Variants in HYDIN observed in about 807,000 individuals in gnomAD.
The protein encoded by HYDIN is axonemal central pair apparatus protein HYDIN.
Under a neutral mutation model 403.9 loss-of-function variants are expected in HYDIN, and 132 were observed. The ratio of observed to expected loss-of-function variants is 0.33; its 90% CI spans 0.28 to 0.38. The LOEUF (loss-of-function observed/expected upper bound fraction) is 0.38. Among genes scored for constraint, HYDIN ranks in the 10% least tolerant of loss-of-function variants. The pLI is 1.00. For synonymous variants in HYDIN, 1,202 were observed against 1,891.7 expected (o/e 0.64, Z 9.46); for missense variants, 2,827 against 5,009.5 (o/e 0.56, Z 13.15).
At chr16:70,826,662 T>C (rs2036608617) in intron 83 of HYDIN, among the ~76,000 whole-genome samples, 1 of 148,318 alleles carries the variant, frequency 6.7e-6, no homozygotes, top group African/African-American at 2.6e-5. Flanking sequence ...ATTCAGTTAT[T>C]GTAGAAAAGG....
intron 10 of HYDIN, among the ~76,000 whole-genome samples, chr16:71,109,375 C>T (rs1030192977): frequency 1.5e-5 from 2 of 135,106 alleles, no homozygotes; most frequent in Admixed American, 1.3e-4. Context: ...CTGTCGTTTA[C>T]GCAAAACGAC....
chr16:70,925,741 A>G (rs2077134688), intron 45 of HYDIN, among the ~76,000 whole-genome samples: 1 of 151,684 alleles, frequency 6.6e-6, no homozygotes, highest in African/African-American at 2.4e-5. Flanking sequence ...CAGAATCTAC[A>G]ATGAACTCAA....
At position 70,894,410 on chromosome 16, in the gene HYDIN, C is replaced by A. The variant is rs370686308; in HGVS notation, c.9248+39G>T. The A allele has an allele frequency of 1.7e-3, 2,742 of 1,610,928 alleles. 13 individuals are homozygous for A. Among genetic ancestry groups the A allele is most frequent in the Middle Eastern group, 5.8e-3 (35 of 6,044 alleles). On this transcript the variant is annotated intron_variant, in intron 55 of 85. Coordinates refer to ENST00000393567, the MANE Select transcript of HYDIN (RefSeq NM_001270974.2). Reference sequence around the variant, plus strand: ...TATTTCCCCACATTCCTCCCCACGGCGGACTTGATGGCCTTACATCTGATG... The same window carrying A: ...TATTTCCCCACATTCCTCCCCACGGAGGACTTGATGGCCTTACATCTGATG...
At chr16:71,047,419 T>C (rs1325863513) in intron 18 of HYDIN, among the ~76,000 whole-genome samples, 1 of 150,158 alleles carries the variant, frequency 6.7e-6, no homozygotes, top group Non-Finnish European at 1.5e-5. Context: ...TTTGGCAAAA[T>C]GAAAAAGGTC....
chr16:71,069,320 T>C lies in HYDIN; in HGVS notation c.1921A>G (p.Thr641Ala), dbSNP rs1433495884. 1 of 1,613,860 alleles carries C rather than the reference T, an allele frequency of 6.2e-7. No homozygotes were observed. ...EISSMKPKEF[T>A]ISPDCGTIRP... ...ATGGTGCCACAGTCAGGAGAGATGG[T>C]GAATTCTTTTGGTTTCATTGAGGAT... is the stretch of plus-strand genomic sequence containing the variant. The change falls in exon 14 of 86, where the codon ACC becomes GCC. Residue 641 changes from threonine to alanine, a missense_variant. Coordinates refer to ENST00000393567, the MANE Select transcript of HYDIN (RefSeq NM_001270974.2).
intron 1 of HYDIN, among the ~76,000 whole-genome samples, chr16:71,211,593 G>C (rs1393685042): frequency 7.1e-6 from 1 of 141,074 alleles, no homozygotes; most frequent in African/African-American, 2.7e-5. Flanking sequence ...AGTGAGCCAA[G>C]ATTGCGCCAC....
At chr16:71,195,777 C>A (rs1210277276) in intron 1 of HYDIN, among the ~76,000 whole-genome samples, 1 of 152,134 alleles carries the variant, frequency 6.6e-6, no homozygotes, top group Admixed American at 6.5e-5. Context: ...AAGACAGATT[C>A]CATTAAGAAT....
intron 18 of HYDIN, among the ~76,000 whole-genome samples, chr16:71,054,171 A>T (rs532060665): frequency 1.3e-5 from 2 of 152,408 alleles, no homozygotes; most frequent in Non-Finnish European, 2.9e-5. Context: ...GTATATTGTA[A>T]ATTCACCTTA....
At chr16:70,816,811 CA>C (rs1026517788) in intron 84 of HYDIN, among the ~76,000 whole-genome samples, 1 of 84,780 alleles carries the variant, frequency 1.2e-5, no homozygotes, top group African/African-American at 8.1e-5. Flanking sequence ...CAAGAAGAAA[CA>C]GAAAATCTAA....
intron 10 of HYDIN, among the ~76,000 whole-genome samples, chr16:71,101,847 T>C (rs1278391738): frequency 6.6e-6 from 1 of 152,094 alleles, no homozygotes; most frequent in Non-Finnish European, 1.5e-5. Flanking sequence ...TGGGGATATA[T>C]CCTAGAAAAA....
At chr16:70,955,252 T>C in intron 40 of HYDIN, 123 bp downstream of exon 40, 2 of 525,292 alleles carry the variant, frequency 3.8e-6, no homozygotes, top group Non-Finnish European at 3.3e-6. Context: ...GTTGGCAGCA[T>C]GCTGTAGGGC....
intron 48 of HYDIN, 79 bp downstream of exon 48, chr16:70,908,574 C>G (rs2076602043): frequency 2.0e-6 from 3 of 1,502,810 alleles, no homozygotes; most frequent in Non-Finnish European, 2.7e-6. Context: ...AGCTCTGTTC[C>G]CCTCCAGTGC....
Position 70,926,737 on chromosome 16 carries a change from A to G in HYDIN, c.7159-5520T>C, listed in dbSNP as rs376374845. ...TGGCACTATAAGACAAGGACTTTAAAACATATTTAATATGCTGAGGGAATT... is the reference window on the plus strand; with the variant it reads ...TGGCACTATAAGACAAGGACTTTAAGACATATTTAATATGCTGAGGGAATT... On this transcript the variant is annotated intron_variant, in intron 45 of 85. Coordinates refer to ENST00000393567, the MANE Select transcript of HYDIN (RefSeq NM_001270974.2). Among the ~76,000 whole-genome samples, 22 of 151,660 alleles carry G rather than the reference A, an allele frequency of 1.5e-4. No homozygotes were observed. The South Asian group carries it at 3.8e-3, about 26-fold the overall frequency.
chr16:70,859,226 A>G (rs895273693), intron 71 of HYDIN, among the ~76,000 whole-genome samples: 42 of 152,092 alleles, frequency 2.8e-4, no homozygotes, highest in Non-Finnish European at 4.6e-4. Context: ...GCGTGAACCC[A>G]GGAGGCGGAG....
chr16:70,872,252 AGT>A, intron 64 of HYDIN, 73 bp from the exon 65 acceptor site: 4 of 605,566 alleles, frequency 6.6e-6, no homozygotes, highest in Non-Finnish European at 8.5e-6. Flanking sequence ...AAGGAGGCAT[AGT>A]GCTTCACTCA....
chr16:71,046,494 G>A (rs1385567908), intron 18 of HYDIN, among the ~76,000 whole-genome samples: 1 of 151,662 alleles, frequency 6.6e-6, no homozygotes, highest in Non-Finnish European at 1.5e-5. Context: ...CCCAGAGGGA[G>A]ATTTTTTCCT....
chr16:71,047,990 C>T (rs556727919), intron 18 of HYDIN, among the ~76,000 whole-genome samples: 4 of 147,866 alleles, frequency 2.7e-5, no homozygotes, highest in South Asian at 4.3e-4. Context: ...CCTTTCTCCA[C>T]CTCCCCTCTA....
chr16:71,212,673 C>T (rs4788783), intron 1 of HYDIN, among the ~76,000 whole-genome samples: 54,221 of 151,626 alleles, frequency 0.36, 10,122 homozygotes, highest in East Asian at 0.57. Context: ...GACAAAAAGA[C>T]AAAAAAAGTA....
chr16:70,901,892 G>T (rs1304106870), intron 52 of HYDIN, among the ~76,000 whole-genome samples: 1 of 152,026 alleles, frequency 6.6e-6, no homozygotes, highest in Non-Finnish European at 1.5e-5. Context: ...CCAAGCATAT[G>T]ATTTTTAAAA....
Sources: gnomAD v4.1 joint callset for allele counts (sites outside exome capture counted in the v4.1 genomes callset) on GRCh38, gnomAD v4.1.1 for gene constraint, MANE v1.5 for transcripts, NCBI Gene and HGNC (gene_info 2026-07-23, HGNC 2026-07-21) for gene names.